ADAM18: variants seen among roughly 807,000 people sequenced by gnomAD.
The protein encoded by ADAM18 is ADAM metallopeptidase domain 18, also known as disintegrin and metalloproteinase domain-containing protein 18.
A neutral mutation model predicts 94.4 loss-of-function variants in ADAM18; 117 were observed. The observed-to-expected ratio is 1.24, with a 90% CI of 1.07 to 1.45. The LOEUF is 1.45. ADAM18 is among the 40% of genes most tolerant of loss of function. ADAM18 has a pLI of 0.00. For synonymous variants in ADAM18, 327 were observed against 291.6 expected (o/e 1.12, Z -1.24); for missense variants, 936 against 880.0 (o/e 1.06, Z -0.81).
At chr8:39,599,990 T>C (rs1267728294) in intron 2 of ADAM18, among the ~76,000 whole-genome samples, 1 of 152,106 alleles carries the variant, frequency 6.6e-6, no homozygotes, top group Non-Finnish European at 1.5e-5. Context: ...TGTCAATAAA[T>C]ATTTATTTCT....
chr8:39,589,036 G>A (rs1818490829), intron 2 of ADAM18, among the ~76,000 whole-genome samples: 1 of 152,106 alleles, frequency 6.6e-6, no homozygotes, highest in Non-Finnish European at 1.5e-5. Context: ...CCCAATAAGG[G>A]CATATTCAAT....
chr8:39,665,909 T>A (rs1820983689), intron 13 of ADAM18, among the ~76,000 whole-genome samples: 1 of 152,222 alleles, frequency 6.6e-6, no homozygotes, highest in Admixed American at 6.5e-5. Context: ...TGAATTAACA[T>A]CATTTGTTTC....
In ADAM18 at chr8:39,723,879, T is replaced by A. The variant is rs750344746; in HGVS notation, c.2149T>A (p.Cys717Ser). The change falls in exon 19 of 20, where the codon TGT (cysteine) becomes AGT (serine). Residue 717 changes from cysteine to serine, a missense_variant. Cys to Ser is a moderately radical substitution (Grantham distance 112). Coordinates refer to ENST00000265707, the MANE Select transcript of ADAM18 (RefSeq NM_014237.3). ...IFKRNEISKS[C>S]NRENAEYNRN... Reference sequence around the variant, plus strand: ...TAAAAGAAATGAAATAAGTAAATCATGTAACAGAGAGAATGCAGAGTATAA... The same window carrying A: ...TAAAAGAAATGAAATAAGTAAATCAAGTAACAGAGAGAATGCAGAGTATAA... 6.4e-7 allele frequency: 1 copy of A among 1,557,770 alleles called. No individual in the cohort carries two copies. Among genetic ancestry groups the A allele is most frequent in the East Asian group, 2.3e-5 (1 of 42,752 alleles).
At chr8:39,663,256 C>T (rs1019255646) in intron 12 of ADAM18, among the ~76,000 whole-genome samples, 1 of 151,740 alleles carries the variant, frequency 6.6e-6, no homozygotes, top group Non-Finnish European at 1.5e-5. Flanking sequence ...GTTATTTCTG[C>T]AGTTCTTACA....
chr8:39,609,592 G>A (rs765085705), intron 5 of ADAM18, 31 bp downstream of exon 5: 8 of 1,498,380 alleles, frequency 5.3e-6, no homozygotes, highest in South Asian at 2.4e-5. Flanking sequence ...ATCTATAGAT[G>A]GAGAACTTAA....
At chr8:39,669,777 G>A (rs1353262774) in intron 14 of ADAM18, among the ~76,000 whole-genome samples, 9 of 152,126 alleles carry the variant, frequency 5.9e-5, no homozygotes, top group East Asian at 3.9e-4. Flanking sequence ...ATAAACATGC[G>A]TGTGCATGTG....
chr8:39,604,736 G>T (rs182274810), intron 2 of ADAM18: 92 of 152,356 alleles, frequency 6.0e-4, no homozygotes, highest in African/African-American at 1.9e-3. Context: ...CCTGCAGAAC[G>T]GTGAGCCAAC....
At chr8:39,586,810 C>CTA (rs1235502938) in intron 2 of ADAM18, among the ~76,000 whole-genome samples, 4 of 150,404 alleles carry the variant, frequency 2.7e-5, no homozygotes, top group Non-Finnish European at 5.9e-5. Context: ...CTATATCTAT[C>CTA]TATCTATCAT....
intron 18 of ADAM18, among the ~76,000 whole-genome samples, chr8:39,712,721 C>T (rs184441498): frequency 1.9e-4 from 29 of 152,192 alleles, no homozygotes; most frequent in Admixed American, 9.2e-4. Flanking sequence ...TACCAGGAAT[C>T]CAACTTACAA....
chr8:39,624,227 G>A (rs1246433153), intron 6 of ADAM18, among the ~76,000 whole-genome samples: 1 of 152,104 alleles, frequency 6.6e-6, no homozygotes, highest in East Asian at 1.9e-4. Context: ...TTTGCCTAGG[G>A]CAATGTCCAG....
intron 3 of ADAM18, 134 bp downstream of exon 3, chr8:39,606,496 C>T: frequency 2.0e-6 from 1 of 489,532 alleles, no homozygotes; most frequent in Non-Finnish European, 3.6e-6. Flanking sequence ...ATCAACTTCC[C>T]AATTTAGGAT....
rs530165417 is a variant in ADAM18, at chr8:39,630,405, A to G, written c.588+966A>G. Among the ~76,000 whole-genome samples the G allele has an allele frequency of 1.3e-5, 2 of 151,430 alleles. 1 individual carries two copies. The highest frequency in any genetic ancestry group is 4.1e-4 in the South Asian group (2 of 4,820). ...TATATATACTTATATATCTATATAT[A>G]TACTCACAAAGTAACAGGATAGAAT... On this transcript the variant is annotated intron_variant, in intron 7 of 19. Transcript: ENST00000265707.
intron 2 of ADAM18, among the ~76,000 whole-genome samples, chr8:39,600,226 T>G (rs1240939890): frequency 6.6e-6 from 1 of 152,158 alleles, no homozygotes; most frequent in Non-Finnish European, 1.5e-5. Flanking sequence ...CCACAAAGTT[T>G]TATGGATTAT....
In ADAM18 at chr8:39,680,252, C is replaced by A. The variant is rs1449641715; in HGVS notation, c.1821+26C>A. 1.9e-6 allele frequency: 3 copies of A among 1,588,716 alleles called. No individual in the cohort carries two copies. In the Admixed American group the frequency reaches 5.3e-5, roughly 28 times the overall value. ...GTAACAAAATGTGATAATTTATATT[C>A]AGCTGTGTTAAATTATGTGAATTAT... On this transcript the variant is annotated intron_variant, in intron 16 of 19. Transcript: ENST00000265707.
At chr8:39,650,758 C>T (rs538977210) in intron 12 of ADAM18, among the ~76,000 whole-genome samples, 1 of 152,160 alleles carries the variant, frequency 6.6e-6, no homozygotes, top group Non-Finnish European at 1.5e-5. Context: ...ATCCCAATAA[C>T]ATTTTGCACG....
At chr8:39,591,964 C>T (rs746786844) in intron 2 of ADAM18, among the ~76,000 whole-genome samples, 2 of 152,168 alleles carry the variant, frequency 1.3e-5, no homozygotes, top group Non-Finnish European at 2.9e-5. Context: ...GTTAGAGCTC[C>T]TAGGTGACCA....
intron 3 of ADAM18, among the ~76,000 whole-genome samples, 165 bp downstream of exon 3, chr8:39,606,527 G>C (rs1819091060): frequency 1.3e-5 from 2 of 152,084 alleles, no homozygotes; most frequent in South Asian, 4.1e-4. Context: ...TTGAATATCA[G>C]ATCTATAGAG....
At chr8:39,676,466 G>T (rs1821304637) in intron 14 of ADAM18, among the ~76,000 whole-genome samples, 1 of 152,238 alleles carries the variant, frequency 6.6e-6, no homozygotes, top group Non-Finnish European at 1.5e-5. Flanking sequence ...GCACAGGAGA[G>T]AATCATCTTG....
chr8:39,609,584 C>G, intron 5 of ADAM18, 23 bp downstream of exon 5: 1 of 1,529,140 alleles, frequency 6.5e-7, no homozygotes. Context: ...TATAAGAAAT[C>G]TATAGATGGA....
Sources: allele counts gnomAD v4.1 joint callset (sites outside exome capture counted in the v4.1 genomes callset), GRCh38; gene constraint gnomAD v4.1.1; transcripts MANE v1.5; gene names NCBI Gene and HGNC (gene_info 2026-07-23, HGNC 2026-07-21).